The following RBM33 variants were observed in gnomAD, a reference collection of about 807,000 sequenced individuals.
RBM33 encodes RNA-binding protein 33.
A neutral mutation model predicts 132.6 loss-of-function variants in RBM33; 28 were observed. The observed-to-expected ratio is 0.21, with a 90% CI of 0.16 to 0.29. RBM33 has a LOEUF of 0.29. Among genes scored for constraint, RBM33 ranks in the 10% least tolerant of loss-of-function variants. RBM33 has a pLI of 1.00. For missense variants in RBM33, 1,291 were observed against 1,518.5 expected, an observed-to-expected ratio of 0.85 and a Z score of 2.49; for synonymous variants, 634 against 593.0, an observed-to-expected ratio of 1.07 and a Z score of -1.01.
At chr7:155,681,924 G>GTT (rs1255316906) in intron 5 of RBM33, among the ~76,000 whole-genome samples, 6 of 146,636 alleles carry the variant, frequency 4.1e-5, no homozygotes, top group Non-Finnish European at 3.0e-5. Context: ...TGTCTCAGTA[G>GTT]TTTTTTTTTT....
chr7:155,658,027 A>G (rs1170558225), intron 1 of RBM33, among the ~76,000 whole-genome samples: 2 of 152,112 alleles, frequency 1.3e-5, no homozygotes, highest in African/African-American at 4.8e-5. Context: ...TTAATCTTTT[A>G]CCTGGATTTC....
chr7:155,705,001 CCAAA>C (rs938575212), intron 6 of RBM33, among the ~76,000 whole-genome samples: 6 of 151,784 alleles, frequency 4.0e-5, no homozygotes, highest in African/African-American at 7.3e-5. Context: ...TTTTATTTTG[CCAAA>C]CAAATTGTGT....
chr7:155,667,448 T>TG (rs1798830807), intron 2 of RBM33, among the ~76,000 whole-genome samples: 1 of 152,142 alleles, frequency 6.6e-6, no homozygotes, highest in African/African-American at 2.4e-5. Flanking sequence ...TTCAGATTGT[T>TG]TTCAGTTGTC....
chr7:155,705,008 A>T (rs1055675697), intron 6 of RBM33, among the ~76,000 whole-genome samples: 2 of 152,194 alleles, frequency 1.3e-5, no homozygotes, highest in Non-Finnish European at 2.9e-5. Flanking sequence ...TTGCCAAACA[A>T]ATTGTGTATT....
At chr7:155,763,020 G>C (rs771794094) in intron 14 of RBM33, among the ~76,000 whole-genome samples, 3 of 152,218 alleles carry the variant, frequency 2.0e-5, no homozygotes, top group Non-Finnish European at 4.4e-5. Context: ...TGTTTATGCT[G>C]CCTGGACGTA....
Position 155,738,073 on chromosome 7 carries a change from A to G in RBM33, c.1407A>G (p.Pro469=), listed in dbSNP as rs757869901. 5.0e-6 allele frequency: 8 copies of G among 1,612,876 alleles called. No individual in the cohort carries two copies. In the African/African-American group the frequency reaches 8.0e-5, roughly 16 times the overall value. ...DPFFLGVSGE[P]RFPSHLFLEQ... ...GTTACCTTTCAGTTTCAGGTGAACC[A>G]AGATTCCCGAGCCATCTTTTTCTGG... Residue 469 remains proline, a synonymous_variant, in exon 11 of 18, where the codon CCA becomes CCG. Transcript: ENST00000401878.
At chr7:155,712,240 G>A (rs1800326469) in intron 8 of RBM33, among the ~76,000 whole-genome samples, 1 of 152,170 alleles carries the variant, frequency 6.6e-6, no homozygotes, top group African/African-American at 2.4e-5. Context: ...CCATCTTTTA[G>A]TTGTTGTAAT....
intron 7 of RBM33, 91 bp from the exon 8 acceptor site, chr7:155,711,112 A>C: frequency 7.1e-7 from 1 of 1,413,616 alleles, no homozygotes; most frequent in Non-Finnish European, 9.3e-7. Flanking sequence ...TTTGTAACAC[A>C]TCAGCATTCT....
At chr7:155,651,326 G>A (rs190310061) in intron 1 of RBM33, among the ~76,000 whole-genome samples, 5 of 152,162 alleles carry the variant, frequency 3.3e-5, no homozygotes, top group African/African-American at 4.8e-5. Context: ...GATTTTTGGC[G>A]GTATTGTTGT....
intron 5 of RBM33, among the ~76,000 whole-genome samples, chr7:155,682,435 A>G (rs1585432215): frequency 6.6e-6 from 1 of 152,348 alleles, no homozygotes; most frequent in East Asian, 1.9e-4. Flanking sequence ...ATGCTCTTAA[A>G]GTTAGACACT....
intron 9 of RBM33, among the ~76,000 whole-genome samples, chr7:155,727,763 C>T (rs375586069): frequency 3.9e-5 from 6 of 152,174 alleles, no homozygotes; most frequent in South Asian, 2.1e-4. Context: ...AAAAGGTAAC[C>T]GCCCATCCCC....
chr7:155,734,872 G>A (rs949417617), intron 9 of RBM33, among the ~76,000 whole-genome samples: 2 of 151,220 alleles, frequency 1.3e-5, no homozygotes, highest in Non-Finnish European at 2.9e-5. Flanking sequence ...CTTTTATTCC[G>A]TGTCATTCTG....
At chr7:155,761,229 A>AT (rs1372058338) in intron 14 of RBM33, among the ~76,000 whole-genome samples, 3 of 151,312 alleles carry the variant, frequency 2.0e-5, no homozygotes, top group East Asian at 2.0e-4. Flanking sequence ...TCTGTTGGGG[A>AT]TTTTTTTTCA....
intron 9 of RBM33, among the ~76,000 whole-genome samples, chr7:155,727,564 A>G (rs1412188845): frequency 1.8e-4 from 27 of 152,248 alleles, no homozygotes; most frequent in Non-Finnish European, 5.9e-5. Flanking sequence ...GAGACCTGCT[A>G]TTTGTCAAAC....
chr7:155,675,792 G>C (rs1357141488), intron 3 of RBM33, among the ~76,000 whole-genome samples: 2 of 152,128 alleles, frequency 1.3e-5, no homozygotes, highest in Non-Finnish European at 1.5e-5. Context: ...AATGGTTCTT[G>C]TCTTGTATTG....
In RBM33 at chr7:155,780,366, T is replaced by C. The variant is rs1353559643; in HGVS notation, c.*5325T>C. On this transcript the variant is annotated 3_prime_UTR_variant, in exon 18 of 18. Transcript: ENST00000401878. ...GTGTCCTCTGTGAGGACTTGAACTC[T>C]GGGGCTTTAATTCCACTGTTTAATT... is the stretch of plus-strand genomic sequence containing the variant. 2.6e-5 allele frequency: 4 copies of C among 152,184 alleles called. No individual in the cohort carries two copies. The highest frequency in any genetic ancestry group is 5.9e-5 in the Non-Finnish European group (4 of 68,024). 9.4% of individuals were successfully genotyped at this position (152,184 alleles called of 1,614,324 possible).
chr7:155,684,826 A>C, intron 5 of RBM33: 1 of 1,301,516 alleles, frequency 7.7e-7, no homozygotes, highest in Non-Finnish European at 1.0e-6. Flanking sequence ...TCACCATAGT[A>C]AAACTTTCTA....
intron 1 of RBM33, among the ~76,000 whole-genome samples, chr7:155,660,049 C>T (rs527480563): frequency 2.8e-4 from 42 of 152,250 alleles, no homozygotes; most frequent in African/African-American, 7.7e-4. Context: ...TGATCTCATC[C>T]GAACTTGATT....
At chr7:155,758,511 C>T (rs186552222) in intron 14 of RBM33, among the ~76,000 whole-genome samples, 2 of 152,328 alleles carry the variant, frequency 1.3e-5, no homozygotes, top group East Asian at 3.9e-4. Context: ...GCTGCTGATC[C>T]GACAGGAGGC....
Sources: gnomAD v4.1 joint callset for allele counts (sites outside exome capture counted in the v4.1 genomes callset) on GRCh38, gnomAD v4.1.1 for gene constraint, MANE v1.5 for transcripts, NCBI Gene and HGNC (gene_info 2026-07-23, HGNC 2026-07-21) for gene names.